The following LARS1 variants were observed in gnomAD, a reference collection of about 807,000 sequenced individuals.
LARS1 encodes leucine--tRNA ligase, cytoplasmic.
In LARS1, 100 loss-of-function variants were observed where a neutral mutation model predicts 162.8. The observed-to-expected ratio is 0.61, with a 90% CI of 0.52 to 0.73. The LOEUF is 0.73. Ranked by LOEUF, LARS1 falls within the 30% of genes least tolerant of loss-of-function variation. The pLI is 0.00. For missense variants in LARS1, 1,258 were observed against 1,408.9 expected (o/e 0.89, Z 1.71); for synonymous variants, 457 against 462.8 (o/e 0.99, Z 0.16).
intron 5 of LARS1, among the ~76,000 whole-genome samples, chr5:146,165,209 C>T (rs2126559028): frequency 6.6e-6 from 1 of 152,190 alleles, no homozygotes; most frequent in Admixed American, 6.5e-5. Flanking sequence ...TGGCAAGCGC[C>T]CGTAATCCCA....
chr5:146,182,539 G>A lies in LARS1; in HGVS notation c.-46C>T. 6.2e-7 allele frequency: 1 copy of A among 1,613,772 alleles called. No homozygotes were observed. The highest frequency in any genetic ancestry group is 8.5e-7 in the Non-Finnish European group (1 of 1,179,854). On this transcript the variant is annotated 5_prime_UTR_variant, in exon 1 of 32. Coordinates refer to ENST00000394434, the MANE Select transcript of LARS1 (RefSeq NM_020117.11). ...GCAAATCCACGACAATGACCCTGGC[G>A]ACCTCCACAAAGGAGTGGTTACCTT...
In LARS1 at chr5:146,158,005, A is replaced by C. The variant is rs1753609014; in HGVS notation, c.772-210T>G. On this transcript the variant is annotated intron_variant, in intron 8 of 31. Transcript: ENST00000394434. ...GAGATTTGGAGTAATCGCCCAAAAT[A>C]GTGTTTGCCAAAATGAAGGTGAGAA... Among the ~76,000 whole-genome samples, 3 of 152,302 alleles carry C rather than the reference A, an allele frequency of 2.0e-5. No homozygotes were observed. In the South Asian group the frequency reaches 6.2e-4, roughly 32 times the overall value.
intron 5 of LARS1, among the ~76,000 whole-genome samples, chr5:146,165,206 C>T (rs1482687108): frequency 2.0e-5 from 3 of 151,948 alleles, no homozygotes; most frequent in Non-Finnish European, 4.4e-5. Context: ...TGGTGGCAAG[C>T]GCCCGTAATC....
chr5:146,150,942 GAC>G lies in LARS1; in HGVS notation c.1425+918_1425+919del, dbSNP rs3995492. ...AGACAGAGCAAGACTCCGTCAGATA[GAC>G]ACACACACACACACACACACACACA... On this transcript the variant is annotated intron_variant, in intron 14 of 31. Transcript: ENST00000394434. 7.8e-3 allele frequency among the ~76,000 whole-genome samples: 1,056 copies of G among 134,874 alleles called. 9 individuals carry two copies. Among genetic ancestry groups the G allele is most frequent in the African/African-American group, 0.018 (648 of 35,210 alleles). The allele number at this position is 134,874 out of a possible 152,430, so 88.5% of individuals were successfully genotyped here.
chr5:146,159,376 A>G (rs1561822934), intron 8 of LARS1, 31 bp downstream of exon 8: 3 of 1,535,856 alleles, frequency 2.0e-6, no homozygotes, highest in East Asian at 2.3e-5. Flanking sequence ...AAGGATTATT[A>G]TAATAGCTAC....
In LARS1 at chr5:146,144,709, C is replaced by T. The variant is rs146523835; in HGVS notation, c.1504G>A (p.Gly502Arg). Residue 502 changes from glycine (G) to arginine (R), a missense_variant and splice_region_variant, in exon 16 of 32, where the codon GGA (glycine) becomes AGA (arginine). By Grantham distance (125) the Gly-to-Arg change is moderately radical. Transcript: ENST00000394434. ...KTIQKKMIDAGDALIYMEPEK... is the reference protein window; with the variant it reads ...KTIQKKMIDARDALIYMEPEK... ...GGTTCCATGTAAATAAGTGCATCTC[C>T]CTAAAGGAAGGTAAATAAACATACA... 7.4e-6 allele frequency: 12 copies of T among 1,612,070 alleles called. No homozygotes were observed. In the African/African-American group the frequency reaches 1.5e-4, roughly 20 times the overall value.
chr5:146,149,380 A>G (rs766097845), intron 15 of LARS1, among the ~76,000 whole-genome samples: 1 of 152,238 alleles, frequency 6.6e-6, no homozygotes, highest in African/African-American at 2.4e-5. Flanking sequence ...ACTGCCAGAA[A>G]TATCATCAAA....
intron 1 of LARS1, chr5:146,182,243 C>G (rs1334640167): frequency 8.8e-6 from 5 of 565,060 alleles, no homozygotes; most frequent in African/African-American, 1.9e-5. Context: ...GCCCGGCTCT[C>G]CACCTCGATT....
intron 2 of LARS1, among the ~76,000 whole-genome samples, chr5:146,177,056 T>A (rs1754613236): frequency 6.6e-6 from 1 of 152,138 alleles, no homozygotes; most frequent in Non-Finnish European, 1.5e-5. Context: ...AAGATCCTAA[T>A]TCATATGCAG....
intron 5 of LARS1, among the ~76,000 whole-genome samples, chr5:146,167,387 T>C (rs1333525977): frequency 2.0e-5 from 3 of 151,876 alleles, no homozygotes; most frequent in Admixed American, 2.0e-4. Context: ...AAAAAGGAAA[T>C]AGGAAAGTCA....
chr5:146,130,786 T>C (rs1283096797), intron 24 of LARS1: 3 of 359,748 alleles, frequency 8.3e-6, no homozygotes, highest in African/African-American at 2.1e-5. Context: ...TTTATATTAA[T>C]GCTCATAGCT....
At chr5:146,170,658 G>A (rs149804253) in intron 4 of LARS1, among the ~76,000 whole-genome samples, 4 of 152,148 alleles carry the variant, frequency 2.6e-5, no homozygotes, top group East Asian at 1.9e-4. Flanking sequence ...GCAATGACAC[G>A]TCATGATATC....
chr5:146,182,276 A>G, intron 1 of LARS1: 1 of 643,550 alleles, frequency 1.6e-6, no homozygotes, highest in Non-Finnish European at 2.8e-6. Context: ...GAGAAATAAC[A>G]AATATGATAT....
rs749569249 is a variant in LARS1 at position 146,149,712 on chromosome 5, GA to G, written c.1426-14del. On this transcript the variant is annotated splice_polypyrimidine_tract_variant and intron_variant, in intron 14 of 31. Transcript: ENST00000394434. ...CCACCAACATGATCTAAAAGGATGA[GA>G]GGGGAGAAAAACCACATATAAAACA... 2 of 1,592,150 alleles carry G rather than the reference GA, an allele frequency of 1.3e-6. No individual in the cohort carries two copies. The highest frequency in any genetic ancestry group is 1.1e-5 in the South Asian group (1 of 90,504).
chr5:146,179,600 T>G, intron 1 of LARS1: 1 of 366,642 alleles, frequency 2.7e-6, no homozygotes, highest in South Asian at 2.0e-5. Context: ...TATTTATGTG[T>G]GTGTGTCTGT....
intron 31 of LARS1, among the ~76,000 whole-genome samples, chr5:146,117,914 T>C (rs573012598): frequency 1.4e-4 from 21 of 152,332 alleles, no homozygotes; most frequent in Admixed American, 1.2e-3. Flanking sequence ...GTGGTGCGAA[T>C]GTAAATTTGT....
Position 146,149,658 on chromosome 5 carries a change from A to G in LARS1, c.1467T>C (p.Asp489=). The change falls in exon 15 of 32, where the codon GAT becomes GAC. Residue 489 remains aspartate, a synonymous_variant. Transcript: ENST00000394434. Reference sequence around the variant, plus strand: ...TCTTTTTCTGAATAGTCTTCTTTACATCTTGAACCTTCTGTCCTTTAAATC... The same window carrying G: ...TCTTTTTCTGAATAGTCTTCTTTACGTCTTGAACCTTCTGTCCTTTAAATC... ...VDGFKGQKVQ[D]VKKTIQKKMI... 6.2e-7 allele frequency: 1 copy of G among 1,613,330 alleles called. No individual in the cohort carries two copies. The highest frequency in any genetic ancestry group is 8.5e-7 in the Non-Finnish European group (1 of 1,179,362).
At chr5:146,171,047 A>G (rs1463535506) in intron 4 of LARS1, among the ~76,000 whole-genome samples, 1 of 151,846 alleles carries the variant, frequency 6.6e-6, no homozygotes, top group Non-Finnish European at 1.5e-5. Context: ...TGTAGGATTG[A>G]CATTCTTTAA....
intron 24 of LARS1, 118 bp downstream of exon 24, chr5:146,130,901 G>C (rs1006511700): frequency 8.0e-6 from 4 of 499,376 alleles, no homozygotes; most frequent in African/African-American, 8.0e-5. Context: ...TTTTCTGGCA[G>C]GATTTTCAGT....
Sources: gnomAD v4.1 joint callset for allele counts (sites outside exome capture counted in the v4.1 genomes callset) on GRCh38, gnomAD v4.1.1 for gene constraint, MANE v1.5 for transcripts, NCBI Gene and HGNC (gene_info 2026-07-23, HGNC 2026-07-21) for gene names.